The following ADAMTSL1 variants were observed in gnomAD, a reference collection of about 807,000 sequenced individuals.
ADAMTSL1 encodes the protein ADAMTS like 1.
In ADAMTSL1, 126 loss-of-function variants were observed where a neutral mutation model predicts 201.8. That is an observed-to-expected ratio of 0.62 (90% CI 0.54 to 0.72). ADAMTSL1 has a LOEUF of 0.72. ADAMTSL1 is among the 30% of genes least tolerant of loss of function. ADAMTSL1 has a pLI of 0.00. For missense variants in ADAMTSL1, 2,679 were observed against 2,277.8 expected (o/e 1.18, Z -3.59); for synonymous variants, 1,121 against 903.4 (o/e 1.24, Z -4.32).
At chr9:18,291,592 A>G (rs148666240) in intron 2 of ADAMTSL1, among the ~76,000 whole-genome samples, 41 of 152,036 alleles carry the variant, frequency 2.7e-4, no homozygotes, top group African/African-American at 9.9e-4. Flanking sequence ...CTGTCTTTAT[A>G]CTTCCCACTG....
At chr9:17,970,494 C>T (rs1001234441) in intron 1 of ADAMTSL1, among the ~76,000 whole-genome samples, 7 of 152,010 alleles carry the variant, frequency 4.6e-5, no homozygotes, top group Non-Finnish European at 4.4e-5. Context: ...ACTTGGACAG[C>T]TTGACCCTTC....
At chr9:17,973,629 G>A (rs1818314130) in intron 1 of ADAMTSL1, among the ~76,000 whole-genome samples, 1 of 106,748 alleles carries the variant, frequency 9.4e-6, no homozygotes, top group Non-Finnish European at 2.1e-5. Context: ...TTTGCCTTAG[G>A]ATTGACTTGG....
rs1172490501 is a variant in ADAMTSL1, at chr9:17,992,279, T to C, written c.87+85357T>C. 3.3e-5 allele frequency among the ~76,000 whole-genome samples: 5 copies of C among 152,172 alleles called. No individual in the cohort carries two copies. In the East Asian group the frequency reaches 9.7e-4, roughly 29 times the overall value. On this transcript the variant is annotated intron_variant, in intron 1 of 29. Coordinates refer to the ADAMTSL1 transcript ENST00000680146. ...GCTGGGTGTCAGAATCCTGTGCAAG[T>C]TTATCTGCAGCTGGTGCATTACCTG...
chr9:18,346,893 C>A (rs1586936756), intron 2 of ADAMTSL1, among the ~76,000 whole-genome samples: 1 of 152,184 alleles, frequency 6.6e-6, no homozygotes, highest in East Asian at 1.9e-4. Context: ...ATCTGTCAGA[C>A]AATGGAAGGC....
At chr9:18,034,163 A>T (rs777987852) in intron 1 of ADAMTSL1, among the ~76,000 whole-genome samples, 1 of 152,118 alleles carries the variant, frequency 6.6e-6, no homozygotes, top group East Asian at 1.9e-4. Flanking sequence ...CTTTTCTTTG[A>T]ATCTCTAACC....
intron 4 of ADAMTSL1, among the ~76,000 whole-genome samples, chr9:18,581,646 AAAAATAAGTTATCTGCTTCC>A (rs549635808): frequency 7.0e-4 from 106 of 152,338 alleles, no homozygotes; most frequent in Middle Eastern, 3.4e-3. Context: ...ATTTGAAACC[AAAAATAAGTTATCTGCTTCC>A]AAAATACAAT....
At chr9:17,922,748 A>G (rs1050708926) in intron 1 of ADAMTSL1, among the ~76,000 whole-genome samples, 3 of 152,104 alleles carry the variant, frequency 2.0e-5, no homozygotes, top group African/African-American at 7.2e-5. Context: ...CCATCAGAGC[A>G]TACGCTATTA....
intron 15 of ADAMTSL1, among the ~76,000 whole-genome samples, chr9:18,740,569 C>T (rs892922175): frequency 6.6e-6 from 1 of 151,280 alleles, no homozygotes; most frequent in African/African-American, 2.4e-5. Flanking sequence ...CTCCACCTCC[C>T]CGGTTCCAGC....
At chr9:17,935,185 C>T (rs1172459180) in intron 1 of ADAMTSL1, among the ~76,000 whole-genome samples, 2 of 151,968 alleles carry the variant, frequency 1.3e-5, no homozygotes, top group Admixed American at 6.6e-5. Flanking sequence ...CTTGACTTAC[C>T]ACTTTAACAC....
intron 23 of ADAMTSL1, among the ~76,000 whole-genome samples, chr9:18,835,635 T>G (rs1825267167): frequency 6.6e-6 from 1 of 152,098 alleles, no homozygotes. Context: ...TACCCAATAG[T>G]TTTTCAGCTC....
At chr9:18,410,451 C>T (rs1186429436) in intron 2 of ADAMTSL1, among the ~76,000 whole-genome samples, 1 of 152,162 alleles carries the variant, frequency 6.6e-6, no homozygotes, top group African/African-American at 2.4e-5. Context: ...AGTCATCTCC[C>T]ACTTACAAGT....
At chr9:18,662,172 A>C in intron 9 of ADAMTSL1, 99 bp downstream of exon 9, 1 of 1,433,274 alleles carries the variant, frequency 7.0e-7, no homozygotes, top group South Asian at 1.4e-5. Context: ...AATAAAATGA[A>C]ATTAAACATC....
At chr9:18,648,552 T>G (rs1827976311) in intron 7 of ADAMTSL1, among the ~76,000 whole-genome samples, 1 of 151,612 alleles carries the variant, frequency 6.6e-6, no homozygotes, top group South Asian at 2.1e-4. Flanking sequence ...TGTTTAGCAC[T>G]TCCTTCAGGA....
intron 2 of ADAMTSL1, among the ~76,000 whole-genome samples, chr9:18,514,513 G>A (rs1331569915): frequency 6.6e-6 from 1 of 151,680 alleles, no homozygotes. Context: ...TGTATTTTTA[G>A]TAGAGACGGG....
chr9:18,847,324 C>T (rs1826186636), intron 23 of ADAMTSL1, among the ~76,000 whole-genome samples: 1 of 152,160 alleles, frequency 6.6e-6, no homozygotes, highest in East Asian at 1.9e-4. Flanking sequence ...GTATTCCATG[C>T]ACTGATACAA....
At chr9:18,547,633 T>TAAAAAAAAAAA (rs56789652) in intron 3 of ADAMTSL1, among the ~76,000 whole-genome samples, 64 of 86,248 alleles carry the variant, frequency 7.4e-4, no homozygotes, top group African/African-American at 3.3e-3. Flanking sequence ...TATATATATA[T>TAAAAAAAAAAA]AAAAAAAAAA....
chr9:18,870,124 TTATTA>T (rs1317464557), intron 23 of ADAMTSL1, among the ~76,000 whole-genome samples: 6 of 152,228 alleles, frequency 3.9e-5, no homozygotes, highest in South Asian at 2.1e-4. Context: ...ATCTGTTCAT[TTATTA>T]TGAGTGTATT....
chr9:18,745,102 G>A (rs560308198), intron 15 of ADAMTSL1, among the ~76,000 whole-genome samples: 2 of 152,138 alleles, frequency 1.3e-5, no homozygotes, highest in Non-Finnish European at 2.9e-5. Flanking sequence ...AAGTAACAAA[G>A]AAGTATTTTA....
intron 1 of ADAMTSL1, among the ~76,000 whole-genome samples, chr9:18,151,489 A>G (rs1037515019): frequency 2.0e-5 from 3 of 151,624 alleles, no homozygotes; most frequent in Non-Finnish European, 4.4e-5. Flanking sequence ...TGTTCAATAT[A>G]CTGTATTTGA....
Sources: gnomAD v4.1 joint callset for allele counts (sites outside exome capture counted in the v4.1 genomes callset) on GRCh38, gnomAD v4.1.1 for gene constraint, MANE v1.5 for transcripts, NCBI Gene and HGNC (gene_info 2026-07-23, HGNC 2026-07-21) for gene names.